The following PTPN4 variants were observed in gnomAD, a reference collection of about 807,000 sequenced individuals.
PTPN4 encodes the protein tyrosine-protein phosphatase non-receptor type 4.
In PTPN4, 49 loss-of-function variants were observed where a neutral mutation model predicts 135.5. The observed-to-expected ratio is 0.36, with a 90% CI of 0.29 to 0.46. PTPN4 has a LOEUF of 0.46. Among genes scored for constraint, PTPN4 ranks in the 20% least tolerant of loss-of-function variants. The pLI, the probability that PTPN4 is intolerant of heterozygous loss-of-function variation, is 1.00. For synonymous variants in PTPN4, 333 were observed against 369.9 expected (o/e 0.90, Z 1.14); for missense variants, 860 against 1,101.0 (o/e 0.78, Z 3.10).
At chr2:119,868,897 CTG>C (rs1199082527) in intron 3 of PTPN4, among the ~76,000 whole-genome samples, 1 of 152,044 alleles carries the variant, frequency 6.6e-6, no homozygotes, top group African/African-American at 2.4e-5. Context: ...CTCTATATTT[CTG>C]TGTGTGTGTC....
chr2:119,898,694 T>C (rs1255002806), intron 9 of PTPN4, among the ~76,000 whole-genome samples: 1 of 152,134 alleles, frequency 6.6e-6, no homozygotes, highest in East Asian at 1.9e-4. Flanking sequence ...ATTAAGGTGG[T>C]CAAAGTGTAT....
In PTPN4 at chr2:119,801,900, G is replaced by GTTTT. The variant is rs768983862; in HGVS notation, c.-17-7920_-17-7917dup. On this transcript the variant is annotated intron_variant, in intron 1 of 26. Transcript: ENST00000263708. Reference sequence around the variant, plus strand: ...TTCTGTTTTTTCTTTCTTTCTTTCCGTTTTTTTTTTTTTTTTTTTTGAGGC... The same window carrying GTTTT: ...TTCTGTTTTTTCTTTCTTTCTTTCCGTTTTTTTTTTTTTTTTTTTTTTTTGAGGC... Among the ~76,000 whole-genome samples the GTTTT allele has an allele frequency of 6.2e-4, 61 of 98,768 alleles. 2 individuals are homozygous for GTTTT. Among genetic ancestry groups the GTTTT allele is most frequent in the Non-Finnish European group, 9.0e-4 (45 of 49,808 alleles). The allele number at this position is 98,768 out of a possible 152,430, so 64.8% of individuals were successfully genotyped here. A position where few individuals can be genotyped will look rare whatever the true frequency, so the allele number is the denominator to read the frequency against.
rs1679301188 is a variant in PTPN4, at chr2:119,957,181, C to CT, written c.2133+107dup. 2.9e-6 allele frequency: 3 copies of CT among 1,045,632 alleles called. 1 individual carries two copies. The highest frequency in any genetic ancestry group is 3.3e-5 in the South Asian group (2 of 61,032). The allele number at this position is 1,045,632 out of a possible 1,614,324, so 64.8% of individuals were successfully genotyped here. Reference sequence around the variant, plus strand: ...TCCTGACCTGGATAGAATATTAAAACTTTCAGCTATGAAAAATATTATTGA... The same window carrying CT: ...TCCTGACCTGGATAGAATATTAAAACTTTTCAGCTATGAAAAATATTATTGA... On this transcript the variant is annotated intron_variant, in intron 22 of 26. Transcript: ENST00000263708.
chr2:119,940,763 A>G (rs1679050251), intron 15 of PTPN4, among the ~76,000 whole-genome samples: 1 of 152,180 alleles, frequency 6.6e-6, no homozygotes, highest in African/African-American at 2.4e-5. Context: ...TTTCTAGTCT[A>G]TTGGAATAAA....
intron 1 of PTPN4, among the ~76,000 whole-genome samples, chr2:119,780,073 TCA>T (rs1398371294): frequency 6.6e-6 from 1 of 152,094 alleles, no homozygotes; most frequent in Non-Finnish European, 1.5e-5. Context: ...AACTCTTTCC[TCA>T]CAACTTTTTA....
chr2:119,924,990 C>T (rs1191354445), intron 12 of PTPN4, among the ~76,000 whole-genome samples: 3 of 152,128 alleles, frequency 2.0e-5, no homozygotes, highest in Admixed American at 2.0e-4. Context: ...CAGATGCATT[C>T]AGGACTCCCT....
intron 1 of PTPN4, among the ~76,000 whole-genome samples, chr2:119,788,227 T>A (rs938462971): frequency 1.3e-5 from 2 of 152,114 alleles, no homozygotes; most frequent in Non-Finnish European, 2.9e-5. Flanking sequence ...TTTAAAAAGA[T>A]GATGGAGGAA....
chr2:119,943,346 C>G (rs1558770682), intron 15 of PTPN4, among the ~76,000 whole-genome samples: 1 of 152,144 alleles, frequency 6.6e-6, no homozygotes, highest in African/African-American at 2.4e-5. Flanking sequence ...GGCAGTAAAT[C>G]TCTGTATCAG....
intron 22 of PTPN4, among the ~76,000 whole-genome samples, chr2:119,958,901 C>A (rs1228877512): frequency 6.6e-6 from 1 of 152,086 alleles, no homozygotes; most frequent in Non-Finnish European, 1.5e-5. Flanking sequence ...CACTAGTCAG[C>A]ACTTTAAAAC....
At chr2:119,946,842 A>G (rs1012235064) in intron 18 of PTPN4, among the ~76,000 whole-genome samples, 5 of 152,116 alleles carry the variant, frequency 3.3e-5, no homozygotes, top group African/African-American at 7.2e-5. Flanking sequence ...AACCCCCTTA[A>G]AAAACAAAAT....
intron 11 of PTPN4, 126 bp from the exon 12 acceptor site, chr2:119,919,943 C>G (rs1678713180): frequency 8.0e-7 from 1 of 1,247,032 alleles, no homozygotes; most frequent in African/African-American, 1.6e-5. Context: ...CCCATAGGTT[C>G]TATCTATATC....
chr2:119,966,821 C>G (rs1679452119), intron 25 of PTPN4, among the ~76,000 whole-genome samples: 1 of 152,238 alleles, frequency 6.6e-6, no homozygotes, highest in Non-Finnish European at 1.5e-5. Context: ...AAGTCCCCTT[C>G]TGCCCTCAAA....
chr2:119,770,700 A>C (rs1690717014), intron 1 of PTPN4, among the ~76,000 whole-genome samples: 1 of 152,096 alleles, frequency 6.6e-6, no homozygotes, highest in Non-Finnish European at 1.5e-5. Context: ...ATATAGTAGT[A>C]TGTTCTATTG....
chr2:119,805,976 C>A (rs1219721694), intron 1 of PTPN4, among the ~76,000 whole-genome samples: 1 of 152,076 alleles, frequency 6.6e-6, no homozygotes, highest in Admixed American at 6.6e-5. Flanking sequence ...TTCAGCCAAA[C>A]TAAGCTTCAT....
chr2:119,808,662 A>C (rs1349966632), intron 1 of PTPN4, among the ~76,000 whole-genome samples: 2 of 152,078 alleles, frequency 1.3e-5, no homozygotes, highest in African/African-American at 2.4e-5. Context: ...GTCCTGAAGC[A>C]ATCCTCCCAC....
At chr2:119,925,402 T>G (rs1438230092) in intron 12 of PTPN4, among the ~76,000 whole-genome samples, 1 of 152,248 alleles carries the variant, frequency 6.6e-6, no homozygotes, top group African/African-American at 2.4e-5. Context: ...TGTGTATATT[T>G]ATAGTTTTAA....
At chr2:119,775,182 A>G (rs1361555753) in intron 1 of PTPN4, among the ~76,000 whole-genome samples, 3 of 151,632 alleles carry the variant, frequency 2.0e-5, no homozygotes, top group Admixed American at 1.3e-4. Context: ...TAAGGGAGGA[A>G]AAGATAGGCT....
At chr2:119,822,360 C>G (rs903239786) in intron 2 of PTPN4, among the ~76,000 whole-genome samples, 1 of 130,474 alleles carries the variant, frequency 7.7e-6, no homozygotes, top group African/African-American at 2.6e-5. Context: ...TCCCCTCCCC[C>G]CCCCTTTTTT....
At chr2:119,790,377 CGTT>C (rs751744762) in intron 1 of PTPN4, among the ~76,000 whole-genome samples, 1 of 151,758 alleles carries the variant, frequency 6.6e-6, no homozygotes, top group Non-Finnish European at 1.5e-5. Flanking sequence ...TATTTTGGGA[CGTT>C]GTTTTTAGCT....
Sources: gnomAD v4.1 joint callset for allele counts (sites outside exome capture counted in the v4.1 genomes callset) on GRCh38, gnomAD v4.1.1 for gene constraint, MANE v1.5 for transcripts, NCBI Gene and HGNC (gene_info 2026-07-23, HGNC 2026-07-21) for gene names.